Variants in ANAPC1 observed in about 807,000 individuals in gnomAD.
ANAPC1 encodes the protein anaphase promoting complex subunit 1.
Under a neutral mutation model 208.0 loss-of-function variants are expected in ANAPC1, and 36 were observed. That is an observed-to-expected ratio of 0.17 (90% CI 0.13 to 0.23). The LOEUF is 0.23. Among genes scored for constraint, ANAPC1 ranks in the 10% least tolerant of loss-of-function variants. The probability of loss-of-function intolerance (pLI) is 1.00; values close to 1 mark genes in which losing one functional copy is unlikely to be tolerated. For synonymous variants in ANAPC1, 378 were observed against 695.2 expected (o/e 0.54, Z 7.18); for missense variants, 942 against 2,011.6 (o/e 0.47, Z 10.17).
At chr2:111,872,870 C>T in intron 5 of ANAPC1, 158 bp from the exon 6 acceptor site, 2 of 577,086 alleles carry the variant, frequency 3.5e-6, no homozygotes, top group Non-Finnish European at 6.2e-6. Context: ...AAAAGTAATA[C>T]AAATAAGCAA....
intron 28 of ANAPC1, among the ~76,000 whole-genome samples, chr2:111,810,026 A>G (rs2104401170): frequency 6.7e-6 from 1 of 150,058 alleles, no homozygotes; most frequent in East Asian, 1.9e-4. Context: ...TAGCAGTATT[A>G]TTCGTAATAG....
intron 38 of ANAPC1, among the ~76,000 whole-genome samples, chr2:111,788,924 G>A (rs574143008): frequency 5.3e-4 from 80 of 152,088 alleles, no homozygotes; most frequent in African/African-American, 1.8e-3. Context: ...GGATCACGAG[G>A]TCAGGAGATC....
At chr2:111,787,205 G>C (rs1436132731) in intron 39 of ANAPC1, among the ~76,000 whole-genome samples, 1 of 150,232 alleles carries the variant, frequency 6.7e-6, no homozygotes, top group Non-Finnish European at 1.5e-5. Context: ...GTTTACAATA[G>C]CTAAGCCAAA....
At chr2:111,807,184 G>A (rs1360387417) in intron 29 of ANAPC1, among the ~76,000 whole-genome samples, 2 of 65,954 alleles carry the variant, frequency 3.0e-5, no homozygotes, top group South Asian at 5.7e-4. Flanking sequence ...GTGACAGAGC[G>A]AGACTCTGTC....
chr2:111,839,630 C>T (rs774186350), intron 17 of ANAPC1, among the ~76,000 whole-genome samples: 45 of 152,246 alleles, frequency 3.0e-4, no homozygotes, highest in Non-Finnish European at 5.7e-4. Context: ...GCTTGTGAAG[C>T]GTTCAAATAA....
chr2:111,881,776 G>C (rs539296137), intron 1 of ANAPC1, among the ~76,000 whole-genome samples: 2 of 152,194 alleles, frequency 1.3e-5, no homozygotes, highest in Non-Finnish European at 2.9e-5. Flanking sequence ...ATGCAAGCTA[G>C]TCTTAAGACC....
rs1676538661 is a variant in ANAPC1, at chr2:111,768,270, T to A, written c.*1021A>T. The A allele has an allele frequency of 6.6e-6, 1 of 152,248 alleles. No individual in the cohort carries two copies. The highest frequency in any genetic ancestry group is 6.5e-5 in the Admixed American group (1 of 15,288). 9.4% of individuals were successfully genotyped at this position (152,248 alleles called of 1,614,324 possible). A position where few individuals can be genotyped will look rare whatever the true frequency, so the allele number is the denominator to read the frequency against. On this transcript the variant is annotated 3_prime_UTR_variant, in exon 48 of 48. Transcript: ENST00000341068. ...CCAGAAATCCCTCCTTTTATAGACA[T>A]ACATTCTGTAAATCTTAGGTAAATA...
chr2:111,791,445 A>G (rs1394029229), intron 38 of ANAPC1, among the ~76,000 whole-genome samples: 1 of 150,612 alleles, frequency 6.6e-6, no homozygotes, highest in Non-Finnish European at 1.5e-5. Flanking sequence ...ATACAACAAA[A>G]TCGAAGACAT....
intron 6 of ANAPC1, 138 bp downstream of exon 6, chr2:111,872,492 T>C: frequency 3.0e-6 from 2 of 669,908 alleles, no homozygotes; most frequent in Non-Finnish European, 4.9e-6. Flanking sequence ...CAACTTGTAC[T>C]GAGATGAGAG....
At chr2:111,881,180 T>G (rs939924105) in intron 1 of ANAPC1, among the ~76,000 whole-genome samples, 1 of 152,136 alleles carries the variant, frequency 6.6e-6, no homozygotes, top group African/African-American at 2.4e-5. Flanking sequence ...ACAAGTTGTA[T>G]TCTATGGTCC....
chr2:111,843,384 CATAAAGAAAACA>C lies in ANAPC1; in HGVS notation c.2040+16_2040+27del. 6.2e-7 allele frequency: 1 copy of C among 1,610,006 alleles called. No homozygotes were observed. ...CAACCATTACATTAACAGAATAACT[CATAAAGAAAACA>C]ATAGTATTTACTTACATTTCTAGTC... On this transcript the variant is annotated intron_variant, in intron 17 of 47. Coordinates refer to ENST00000341068, the MANE Select transcript of ANAPC1 (RefSeq NM_022662.4).
chr2:111,843,562 T>G lies in ANAPC1; in HGVS notation c.1890A>C (p.Pro630=). 6.2e-7 allele frequency: 1 copy of G among 1,611,900 alleles called. No homozygotes were observed. Among genetic ancestry groups the G allele is most frequent in the Non-Finnish European group, 8.5e-7 (1 of 1,179,798 alleles). Residue 630 remains proline (P), a synonymous_variant, in exon 17 of 48, where the codon CCA becomes CCC. Transcript: ENST00000341068. ...TCLQAIKFIL[P]KEIAVQMLVK... ...CAAGCATCTGAACTGCTATTTCTTT[T>G]GGCAGGATAAACTTAATTGCTTGCA...
At chr2:111,846,447 T>C (rs1681064967) in intron 16 of ANAPC1, among the ~76,000 whole-genome samples, 1 of 145,040 alleles carries the variant, frequency 6.9e-6, no homozygotes, top group South Asian at 2.2e-4. Flanking sequence ...AAAAAAAACA[T>C]TAAATATGCC....
chr2:111,863,499 A>C (rs1682200913), intron 9 of ANAPC1, among the ~76,000 whole-genome samples, 176 bp downstream of exon 9: 1 of 132,344 alleles, frequency 7.6e-6, no homozygotes, highest in Admixed American at 8.0e-5. Flanking sequence ...GTGACACAGC[A>C]AGACTCCGTC....
At chr2:111,811,144 C>A (rs575388450) in intron 28 of ANAPC1, among the ~76,000 whole-genome samples, 3 of 152,210 alleles carry the variant, frequency 2.0e-5, no homozygotes, top group East Asian at 3.9e-4. Context: ...GGCCCCCAGT[C>A]CCCACCAGCC....
chr2:111,853,455 A>C (rs1173445954), intron 13 of ANAPC1, among the ~76,000 whole-genome samples: 2 of 151,876 alleles, frequency 1.3e-5, no homozygotes, highest in African/African-American at 4.8e-5. Flanking sequence ...AATTCTGTTC[A>C]AGTTTGGCAA....
At chr2:111,821,868 G>C (rs1679555493) in intron 25 of ANAPC1, 1 of 240,078 alleles carries the variant, frequency 4.2e-6, no homozygotes, top group South Asian at 5.7e-5. Flanking sequence ...ATGAAAGACA[G>C]TATTTCGGGA....
At chr2:111,882,583 A>G (rs1304321527) in intron 1 of ANAPC1, among the ~76,000 whole-genome samples, 3 of 151,738 alleles carry the variant, frequency 2.0e-5, no homozygotes, top group Non-Finnish European at 4.4e-5. Flanking sequence ...TACAAAAAAA[A>G]AAAAATTACT....
chr2:111,819,180 T>C, intron 26 of ANAPC1: 3 of 984,606 alleles, frequency 3.0e-6, no homozygotes, highest in Non-Finnish European at 3.6e-6. Context: ...CTCTGTTTTG[T>C]TTCATATTTA....
Sources: gnomAD v4.1 joint callset for allele counts (sites outside exome capture counted in the v4.1 genomes callset) on GRCh38, gnomAD v4.1.1 for gene constraint, MANE v1.5 for transcripts, NCBI Gene and HGNC (gene_info 2026-07-23, HGNC 2026-07-21) for gene names.